ATP2C2: variants seen among roughly 807,000 people sequenced by gnomAD.
ATP2C2 encodes calcium-transporting ATPase type 2C member 2.
A neutral mutation model predicts 110.8 loss-of-function variants in ATP2C2; 171 were observed. That is an observed-to-expected ratio of 1.54 (90% confidence interval 1.36 to 1.75). The LOEUF is 1.75. Ranked by LOEUF, ATP2C2 falls within the 40% of genes most tolerant of loss-of-function variation. The pLI is 0.00. For synonymous variants in ATP2C2, 804 were observed against 508.4 expected (o/e 1.58, Z -7.82); for missense variants, 1,963 against 1,235.0 (o/e 1.59, Z -8.84).
intron 1 of ATP2C2, among the ~76,000 whole-genome samples, chr16:84,369,712 A>G (rs1370170828): frequency 1.3e-5 from 2 of 152,252 alleles, no homozygotes; most frequent in Non-Finnish European, 2.9e-5. Context: ...CCCAAAGAAT[A>G]CTAATGGTCA....
At chr16:84,426,038 G>A (rs1907785378) in intron 11 of ATP2C2, 2 of 455,144 alleles carry the variant, frequency 4.4e-6, no homozygotes, top group Non-Finnish European at 7.7e-6. Context: ...GTATTAGGCT[G>A]TTCTTGCATT....
At chr16:84,413,415 A>T (rs1906564074) in intron 6 of ATP2C2, among the ~76,000 whole-genome samples, 1 of 152,160 alleles carries the variant, frequency 6.6e-6, no homozygotes, top group Non-Finnish European at 1.5e-5. Context: ...GATGATACAG[A>T]ATTGACCCAC....
intron 1 of ATP2C2, among the ~76,000 whole-genome samples, chr16:84,372,452 G>C (rs771280957): frequency 1.3e-5 from 2 of 151,964 alleles, no homozygotes; most frequent in Non-Finnish European, 2.9e-5. Flanking sequence ...TTTTTCTTTC[G>C]AGACAGTGTC....
intron 7 of ATP2C2, among the ~76,000 whole-genome samples, chr16:84,421,824 G>A (rs1173514153): frequency 6.6e-6 from 1 of 152,210 alleles, no homozygotes; most frequent in Admixed American, 6.5e-5. Flanking sequence ...TCCATTGGGG[G>A]TGGTGAGTTC....
rs1022186674 is a variant in ATP2C2, at chr16:84,459,672, C to T, written c.2333+286C>T. On this transcript the variant is annotated intron_variant, in intron 23 of 26. Coordinates refer to ENST00000262429, the MANE Select transcript of ATP2C2 (RefSeq NM_014861.4). ...CATGGCTCATTCTCATGCTTCATTC[C>T]AGTCACCAGTCACTGCCTTCAGGAA... 5.7e-6 allele frequency: 7 copies of T among 1,238,714 alleles called. No individual in the cohort carries two copies. In the African/African-American group the frequency reaches 6.0e-5, roughly 11 times the overall value. The allele number at this position is 1,238,714 out of a possible 1,614,324, so 76.7% of individuals were successfully genotyped here.
chr16:84,407,771 C>G (rs1905906644), intron 3 of ATP2C2, among the ~76,000 whole-genome samples: 1 of 152,170 alleles, frequency 6.6e-6, no homozygotes, highest in African/African-American at 2.4e-5. Flanking sequence ...GCACCCAGCC[C>G]TTGTTGATAT....
At chr16:84,391,593 A>G (rs1263799718) in intron 1 of ATP2C2, among the ~76,000 whole-genome samples, 1 of 152,178 alleles carries the variant, frequency 6.6e-6, no homozygotes, top group East Asian at 1.9e-4. Context: ...AGAGGCAGAG[A>G]CTGCTGTGAT....
chr16:84,414,227 C>G (rs1906634530), intron 6 of ATP2C2, among the ~76,000 whole-genome samples: 1 of 152,134 alleles, frequency 6.6e-6, no homozygotes. Context: ...AACAGAAAGT[C>G]CAGTTGCACA....
At position 84,425,728 on chromosome 16, in the gene ATP2C2, T is replaced by A. The variant is rs750304230; in HGVS notation, c.920-7T>A. On this transcript the variant is annotated splice_polypyrimidine_tract_variant and splice_region_variant and intron_variant, in intron 10 of 26. Transcript: ENST00000262429. ...TGGAGATAAGGATGTTTTTGTCTCT[T>A]CCCCAGGTCTCATCATGCTCATTGG... The A allele has an allele frequency of 1.2e-6, 2 of 1,614,014 alleles. No homozygotes were observed. Among genetic ancestry groups the A allele is most frequent in the South Asian group, 2.2e-5 (2 of 91,078 alleles).
At chr16:84,413,598 C>T (rs139046045) in intron 6 of ATP2C2, among the ~76,000 whole-genome samples, 5 of 152,288 alleles carry the variant, frequency 3.3e-5, no homozygotes, top group African/African-American at 9.6e-5. Flanking sequence ...GCTTAAATAT[C>T]GAGTCTTGGC....
Position 84,408,595 on chromosome 16 carries a change from G to T in ATP2C2, c.417+101G>T, listed in dbSNP as rs574408951. 158 of 884,324 alleles carry T rather than the reference G, an allele frequency of 1.8e-4. 2 individuals carry two copies. The South Asian group carries it at 1.9e-3, about 10-fold the overall frequency. The allele number at this position is 884,324 out of a possible 1,614,324, so 54.8% of individuals were successfully genotyped here. On this transcript the variant is annotated intron_variant, in intron 4 of 26. Coordinates refer to ENST00000262429, the MANE Select transcript of ATP2C2 (RefSeq NM_014861.4). ...AAAGAAAAAAAAGAGTTTGCTGTAG[G>T]GGGGAAAAAGGAGCATACAGAAGAA... is the stretch of plus-strand genomic sequence containing the variant.
intron 1 of ATP2C2, among the ~76,000 whole-genome samples, chr16:84,395,204 C>T (rs1354719563): frequency 1.3e-5 from 2 of 151,982 alleles, no homozygotes; most frequent in African/African-American, 4.8e-5. Context: ...GTCCTCTCTC[C>T]TTTGGGCTCT....
At chr16:84,435,996 G>T (rs1267577225) in intron 11 of ATP2C2, among the ~76,000 whole-genome samples, 1 of 152,082 alleles carries the variant, frequency 6.6e-6, no homozygotes, top group African/African-American at 2.4e-5. Context: ...AGGTGTGGTG[G>T]CACATGCCTG....
intron 6 of ATP2C2, among the ~76,000 whole-genome samples, chr16:84,415,169 CATT>C (rs1906721431): frequency 6.6e-6 from 1 of 152,146 alleles, no homozygotes; most frequent in Non-Finnish European, 1.5e-5. Context: ...CTGCCGGCTG[CATT>C]TGGAGGCTTT....
chr16:84,441,289 A>G (rs1335472263), intron 14 of ATP2C2, among the ~76,000 whole-genome samples: 2 of 152,136 alleles, frequency 1.3e-5, no homozygotes, highest in African/African-American at 4.8e-5. Flanking sequence ...TAAAAAAATT[A>G]TTTAAAAAGA....
chr16:84,379,994 A>G (rs1313857583), intron 1 of ATP2C2, among the ~76,000 whole-genome samples: 1 of 152,174 alleles, frequency 6.6e-6, no homozygotes, highest in Non-Finnish European at 1.5e-5. Flanking sequence ...GAACTCAGAG[A>G]ACTAAGCCTT....
Position 84,461,733 on chromosome 16 carries a change from G to A in ATP2C2, c.2501G>A (p.Ser834Asn), listed in dbSNP as rs1201017991. The change falls in exon 25 of 27, where the codon AGC (serine) becomes AAC (asparagine). Residue 834 changes from serine to asparagine, a missense_variant. Ser to Asn is a conservative substitution (Grantham distance 46). Transcript: ENST00000262429. ...TTCCAGATGCCTGAAGACAGAGCAA[G>A]CACTCCCCGCACCACGACGATGACG... The part of the protein sequence containing the change: ...FWKEMPEDRA[S>N]TPRTTTMTFT... 1 of 1,614,060 alleles carries A rather than the reference G, an allele frequency of 6.2e-7. No individual in the cohort carries two copies. Among genetic ancestry groups the A allele is most frequent in the African/African-American group, 1.3e-5 (1 of 74,920 alleles).
At chr16:84,429,855 A>G (rs34388757) in intron 11 of ATP2C2, among the ~76,000 whole-genome samples, 55,791 of 150,856 alleles carry the variant, frequency 0.37, 10,397 homozygotes, top group South Asian at 0.4. Flanking sequence ...TAGAGGCCAG[A>G]AGTCCGAGGT....
At chr16:84,396,669 T>C (rs964976506) in intron 1 of ATP2C2, among the ~76,000 whole-genome samples, 8 of 151,446 alleles carry the variant, frequency 5.3e-5, no homozygotes, top group Admixed American at 2.6e-4. Flanking sequence ...TGCCTCCACC[T>C]GTGGTGTGCG....
Sources: allele counts gnomAD v4.1 joint callset (sites outside exome capture counted in the v4.1 genomes callset), GRCh38; gene constraint gnomAD v4.1.1; transcripts MANE v1.5; gene names NCBI Gene and HGNC (gene_info 2026-07-23, HGNC 2026-07-21).